The following C16orf46 variants were observed in gnomAD, a reference collection of about 807,000 sequenced individuals.
The protein encoded by C16orf46 is uncharacterized protein C16orf46.
A neutral mutation model predicts 5.5 loss-of-function variants in C16orf46; 7 were observed. The observed-to-expected ratio is 1.28, with a 90% CI of 0.73 to 2.40. The LOEUF (loss-of-function observed/expected upper bound fraction) is 2.40, where lower values mean the gene tolerates loss of function less well. Ranked by LOEUF, C16orf46 falls within the 30% of genes most tolerant of loss-of-function variation. C16orf46 has a pLI of 0.00. For synonymous variants in C16orf46, 200 were observed against 184.1 expected, an observed-to-expected ratio of 1.09 and a Z score of -0.70; for missense variants, 614 against 476.0, an observed-to-expected ratio of 1.29 and a Z score of -2.70.
chr16:81,068,537 T>C (rs2151754820), intron 1 of C16orf46, among the ~76,000 whole-genome samples: 1 of 150,458 alleles, frequency 6.6e-6, no homozygotes, highest in Admixed American at 6.7e-5. Context: ...TGCCATATGG[T>C]ACAGAAAGGG....
chr16:81,071,104 C>T (rs8062432), intron 1 of C16orf46, among the ~76,000 whole-genome samples: 5,554 of 152,098 alleles, frequency 0.037, 284 homozygotes, highest in African/African-American at 0.12. Flanking sequence ...CAGACAGCGG[C>T]GATATGGTGA....
In C16orf46 at chr16:81,061,378, A is replaced by G; in HGVS notation, c.971T>C (p.Leu324Ser). 1.9e-6 allele frequency: 3 copies of G among 1,614,180 alleles called. No individual in the cohort carries two copies. Among genetic ancestry groups the G allele is most frequent in the South Asian group, 2.2e-5 (2 of 91,086 alleles). The change falls in exon 4 of 4, where the codon TTG becomes TCG. Residue 324 changes from leucine (L) to serine (S), a missense_variant. Transcript: ENST00000299578. ...CACTCCCCGTTTCTGCAGAAGCTGC[A>G]AGGCAGCAAGGTAGCGAACGTTGCT... ...DPSNVRYLAA[L>S]QLLQKRGVQS...
Position 81,061,085 on chromosome 16 carries a change from G to GGC in C16orf46, c.*75_*76insGC. ...GAAAGAGAGAGTGGGGGGTGGGTGG[G>GGC]AAATGAGAGAGAAGAAAGAGAAAGG... is the stretch of plus-strand genomic sequence containing the variant. On this transcript the variant is annotated 3_prime_UTR_variant, in exon 4 of 4. Coordinates refer to ENST00000299578, the MANE Select transcript of C16orf46 (RefSeq NM_152337.3). 9.0e-7 allele frequency: 1 copy of GGC among 1,108,152 alleles called. No homozygotes were observed. The highest frequency in any genetic ancestry group is 1.3e-6 in the Non-Finnish European group (1 of 766,970). 68.6% of individuals were successfully genotyped at this position (1,108,152 alleles called of 1,614,324 possible). A position where few individuals can be genotyped will look rare whatever the true frequency, so the allele number is the denominator to read the frequency against.
At chr16:81,073,744 A>C (rs1266002256) in intron 1 of C16orf46, among the ~76,000 whole-genome samples, 2 of 152,182 alleles carry the variant, frequency 1.3e-5, no homozygotes, top group East Asian at 3.8e-4. Flanking sequence ...GGCTTTGATG[A>C]AGTGGGGGTC....
At chr16:81,054,908 A>G (rs187188988) in intron 3 of C16orf46, among the ~76,000 whole-genome samples, 1 of 152,152 alleles carries the variant, frequency 6.6e-6, no homozygotes, top group Admixed American at 6.5e-5. Flanking sequence ...TCGGGCTCCC[A>G]ATGTGCTGGG....
intron 2 of C16orf46, among the ~76,000 whole-genome samples, chr16:81,064,274 G>C (rs954654364): frequency 1.3e-5 from 2 of 150,502 alleles, no homozygotes; most frequent in African/African-American, 4.9e-5. Flanking sequence ...TGAGGCAGGA[G>C]AATCACTTGA....
At chr16:81,068,346 G>A (rs1427005039) in intron 1 of C16orf46, among the ~76,000 whole-genome samples, 1 of 152,152 alleles carries the variant, frequency 6.6e-6, no homozygotes, top group Non-Finnish European at 1.5e-5. Flanking sequence ...AGTTAAAATT[G>A]GGAAAGCGGG....
downstream of C16orf46, among the ~76,000 whole-genome samples, chr16:81,060,152 C>G (rs1171343263): frequency 6.6e-6 from 1 of 151,932 alleles, no homozygotes. Context: ...GCTAAAACTT[C>G]CAGACACAGA....
chr16:81,065,375 G>A (rs1971623758), intron 2 of C16orf46, among the ~76,000 whole-genome samples: 1 of 151,372 alleles, frequency 6.6e-6, no homozygotes, highest in South Asian at 2.1e-4. Context: ...TCAGGAGGCT[G>A]TGGCAGGAGA....
intron 1 of C16orf46, among the ~76,000 whole-genome samples, chr16:81,067,321 T>C (rs1971682427): frequency 6.6e-6 from 1 of 152,206 alleles, no homozygotes; most frequent in Non-Finnish European, 1.5e-5. Flanking sequence ...GAGGGAATAG[T>C]GAAACCAAAG....
At chr16:81,065,700 G>A (rs540792483) in intron 2 of C16orf46, among the ~76,000 whole-genome samples, 7 of 152,152 alleles carry the variant, frequency 4.6e-5, no homozygotes, top group African/African-American at 7.2e-5. Flanking sequence ...TCAGCCAGAC[G>A]TGACCCATGC....
intron 3 of C16orf46, among the ~76,000 whole-genome samples, chr16:81,054,281 C>CAA (rs997311393): frequency 1.4e-5 from 1 of 73,470 alleles, no homozygotes. Flanking sequence ...ACAACAACAA[C>CAA]AAAAAAAAAC....
At chr16:81,064,122 G>A (rs1597143553) in intron 2 of C16orf46, 129 bp from the exon 3 acceptor site, 3 of 541,372 alleles carry the variant, frequency 5.5e-6, no homozygotes, top group East Asian at 6.4e-5. Context: ...GCTCATGCCT[G>A]TAATTCCAGG....
chr16:81,061,776 T>C lies in C16orf46; in HGVS notation c.573A>G (p.Gly191=). The C allele has an allele frequency of 6.2e-7, 1 of 1,613,872 alleles. No homozygotes were observed. Among genetic ancestry groups the C allele is most frequent in the South Asian group, 1.1e-5 (1 of 91,076 alleles). Residue 191 remains glycine, a synonymous_variant, in exon 4 of 4, where the codon GGA becomes GGG. Transcript: ENST00000299578. ...NRGKASGNPS[G]GAHRGLSIPG... ...GGATGGACAGCCCTCTGTGGGCCCC[T>C]CCACTGGGATTCCCAGAGGCCTTGC...
intron 1 of C16orf46, 82 bp downstream of exon 1, chr16:81,077,054 G>C (rs1011088134): frequency 3.9e-5 from 6 of 152,388 alleles, no homozygotes; most frequent in Non-Finnish European, 5.9e-5. Context: ...CCTTTCGAAC[G>C]AGGCAGGGAC....
chr16:81,063,676 G>T, intron 3 of C16orf46, 70 bp downstream of exon 3: 1 of 1,364,604 alleles, frequency 7.3e-7, no homozygotes, highest in Non-Finnish European at 1.0e-6. Context: ...CTATTTTTGG[G>T]AAAAAGAGGC....
intron 1 of C16orf46, among the ~76,000 whole-genome samples, chr16:81,067,452 G>A (rs1971685556): frequency 6.6e-6 from 1 of 152,200 alleles, no homozygotes; most frequent in African/African-American, 2.4e-5. Flanking sequence ...GATGTTATCG[G>A]AGAGCTCCAA....
At chr16:81,062,668 C>A (rs1318128713) in intron 3 of C16orf46, among the ~76,000 whole-genome samples, 2 of 152,108 alleles carry the variant, frequency 1.3e-5, no homozygotes, top group Admixed American at 1.3e-4. Flanking sequence ...TCCTGGAATG[C>A]AGAGGAGCCC....
chr16:81,067,054 T>C (rs1030668903), intron 1 of C16orf46, among the ~76,000 whole-genome samples: 2 of 152,186 alleles, frequency 1.3e-5, no homozygotes, highest in Non-Finnish European at 2.9e-5. Flanking sequence ...CCAAAGTGCA[T>C]GTTTGGATAA....
Sources: gnomAD v4.1 joint callset for allele counts (sites outside exome capture counted in the v4.1 genomes callset) on GRCh38, gnomAD v4.1.1 for gene constraint, MANE v1.5 for transcripts, NCBI Gene and HGNC (gene_info 2026-07-23, HGNC 2026-07-21) for gene names.